Variants in FOCAD observed in about 807,000 individuals in gnomAD.
FOCAD encodes the protein focadhesin.
Under a neutral mutation model 225.6 loss-of-function variants are expected in FOCAD, and 198 were observed. The ratio of observed to expected loss-of-function variants is 0.88; its 90% confidence interval spans 0.78 to 0.99. The LOEUF is 0.99. Ranked by LOEUF, FOCAD falls within the 50% of genes least tolerant of loss-of-function variation. The probability of loss-of-function intolerance (pLI) is 0.00; values close to 1 mark genes in which losing one functional copy is unlikely to be tolerated. For missense variants in FOCAD, 2,713 were observed against 2,123.6 expected, an observed-to-expected ratio of 1.28 and a Z score of -5.46; for synonymous variants, 897 against 755.0, an observed-to-expected ratio of 1.19 and a Z score of -3.08.
chr9:20,808,481 G>A (rs1393920567), intron 11 of FOCAD, among the ~76,000 whole-genome samples: 1 of 152,116 alleles, frequency 6.6e-6, no homozygotes, highest in African/African-American at 2.4e-5. Flanking sequence ...ACAGTACTTC[G>A]AGTATTCTTT....
chr9:20,934,893 G>C (rs1835812764), intron 28 of FOCAD, among the ~76,000 whole-genome samples: 1 of 151,642 alleles, frequency 6.6e-6, no homozygotes, highest in Non-Finnish European at 1.5e-5. Context: ...AAAATAATAA[G>C]ATACTTAGGA....
chr9:20,981,583 G>A lies in FOCAD; in HGVS notation c.4535G>A (p.Gly1512Asp), dbSNP rs187249342. ...GAGCTATGCCCAAGTGCTTTACACG[G>A]TCTGAGCCAGGCCATGAAACTGCCC... ...SPELCPSALH[G>D]LSQAMKLPSP... is the part of the protein sequence containing the mutation. The change falls in exon 38 of 44, where the codon GGT (glycine) becomes GAT (aspartate). Residue 1512 changes from glycine to aspartate, a missense_variant. Coordinates refer to ENST00000338382, the MANE Select transcript of FOCAD (RefSeq NM_001375567.1). 6.2e-7 allele frequency: 1 copy of A among 1,614,050 alleles called. No homozygotes were observed. The highest frequency in any genetic ancestry group is 8.5e-7 in the Non-Finnish European group (1 of 1,179,998).
chr9:20,939,773 T>C (rs531855678), intron 28 of FOCAD, among the ~76,000 whole-genome samples: 73 of 151,974 alleles, frequency 4.8e-4, no homozygotes, highest in African/African-American at 1.7e-3. Context: ...TAAATTATAC[T>C]TTAAGTTCTA....
intron 11 of FOCAD, among the ~76,000 whole-genome samples, chr9:20,802,552 G>C (rs933534249): frequency 1.2e-4 from 19 of 152,096 alleles, no homozygotes; most frequent in Non-Finnish European, 2.9e-5. Flanking sequence ...GCTTTGGTAT[G>C]TGTGTTGTTG....
intron 11 of FOCAD, among the ~76,000 whole-genome samples, chr9:20,809,202 T>A (rs1284935723): frequency 2.6e-5 from 4 of 152,092 alleles, no homozygotes; most frequent in Admixed American, 2.6e-4. Flanking sequence ...TTTTCCAAGG[T>A]TTTGTTGTTG....
At chr9:20,860,542 T>G (rs1828672807) in intron 15 of FOCAD, among the ~76,000 whole-genome samples, 1 of 152,218 alleles carries the variant, frequency 6.6e-6, no homozygotes, top group African/African-American at 2.4e-5. Flanking sequence ...TTTTTGTTGT[T>G]GTTTTTGAGA....
intron 6 of FOCAD, among the ~76,000 whole-genome samples, chr9:20,760,249 TC>T (rs1829460232): frequency 6.6e-6 from 1 of 152,240 alleles, no homozygotes; most frequent in Non-Finnish European, 1.5e-5. Flanking sequence ...TGGAGCATGT[TC>T]CCACCCCTTT....
At position 20,843,748 on chromosome 9, in the gene FOCAD, A is replaced by G. The variant is rs146895963; in HGVS notation, c.1921-18830A>G. ...GATTTTCCTTAGATTTTCCTTCTCT[A>G]TAGTTCATGTATACAGCATGTAATG... On this transcript the variant is annotated intron_variant, in intron 15 of 43. Transcript: ENST00000338382. Among the ~76,000 whole-genome samples the G allele has an allele frequency of 2.9e-3, 440 of 152,158 alleles. 1 individual carries two copies. The highest frequency in any genetic ancestry group is 9.9e-3 in the African/African-American group (411 of 41,522).
At chr9:20,754,762 G>A (rs928160873) in intron 5 of FOCAD, among the ~76,000 whole-genome samples, 1 of 152,052 alleles carries the variant, frequency 6.6e-6, no homozygotes, top group African/African-American at 2.4e-5. Context: ...ATGCTGCCAA[G>A]CATTCCATTG....
At chr9:20,964,590 C>A (rs936305556) in intron 35 of FOCAD, among the ~76,000 whole-genome samples, 1 of 151,728 alleles carries the variant, frequency 6.6e-6, no homozygotes, top group African/African-American at 2.4e-5. Context: ...GGCTGGAGGG[C>A]AGTGGCGTGA....
chr9:20,800,214 T>C (rs1204883427), intron 11 of FOCAD, among the ~76,000 whole-genome samples: 1 of 152,176 alleles, frequency 6.6e-6, no homozygotes, highest in Admixed American at 6.5e-5. Context: ...TGCTGAGAGA[T>C]CAGCTGTTAG....
At chr9:20,869,344 A>AAT (rs1554711088) in intron 18 of FOCAD, among the ~76,000 whole-genome samples, 9 of 152,056 alleles carry the variant, frequency 5.9e-5, no homozygotes, top group East Asian at 1.9e-4. Flanking sequence ...AGAGCTAAAA[A>AAT]ATATATATAT....
chr9:20,823,618 A>G (rs10511681), intron 15 of FOCAD, among the ~76,000 whole-genome samples: 34,748 of 152,026 alleles, frequency 0.23, 4,039 homozygotes, highest in Non-Finnish European at 0.25. Flanking sequence ...TCCCAGAATT[A>G]TAACACAGCA....
intron 11 of FOCAD, among the ~76,000 whole-genome samples, chr9:20,798,455 C>T (rs187607413): frequency 0.03 from 4,591 of 152,124 alleles, 131 homozygotes; most frequent in Admixed American, 0.045. Flanking sequence ...TGGTAGAATT[C>T]GGCTGTGAAT....
At chr9:20,770,411 TG>T (rs2131004107) in intron 8 of FOCAD, among the ~76,000 whole-genome samples, 173 bp downstream of exon 8, 1 of 152,228 alleles carries the variant, frequency 6.6e-6, no homozygotes, top group South Asian at 2.1e-4. Flanking sequence ...CTTACAATCA[TG>T]GTGGAAGGTG....
chr9:20,686,510 C>G (rs1822677250), intron 1 of FOCAD, among the ~76,000 whole-genome samples: 1 of 152,116 alleles, frequency 6.6e-6, no homozygotes, highest in African/African-American at 2.4e-5. Flanking sequence ...CGGGAAAAAA[C>G]CACAATGAGA....
chr9:20,834,654 A>T (rs961065412), intron 15 of FOCAD, among the ~76,000 whole-genome samples: 9 of 152,182 alleles, frequency 5.9e-5, no homozygotes, highest in African/African-American at 1.9e-4. Context: ...GAACTTCAGG[A>T]ACAGGCAAAA....
chr9:20,837,752 A>C (rs1023562804), intron 15 of FOCAD, among the ~76,000 whole-genome samples: 1 of 152,152 alleles, frequency 6.6e-6, no homozygotes, highest in African/African-American at 2.4e-5. Context: ...ATCTAGAATT[A>C]AACTTTTATA....
At chr9:20,938,514 G>A (rs1352463644) in intron 28 of FOCAD, among the ~76,000 whole-genome samples, 1 of 151,730 alleles carries the variant, frequency 6.6e-6, no homozygotes, top group Non-Finnish European at 1.5e-5. Flanking sequence ...TCACTCATAG[G>A]TGGGAATTGA....
Sources: gnomAD v4.1 joint callset for allele counts (sites outside exome capture counted in the v4.1 genomes callset) on GRCh38, gnomAD v4.1.1 for gene constraint, MANE v1.5 for transcripts, NCBI Gene and HGNC (gene_info 2026-07-23, HGNC 2026-07-21) for gene names.